EP300: variants seen among roughly 807,000 people sequenced by gnomAD.
EP300 encodes histone acetyltransferase p300.
Under a neutral mutation model 264.0 loss-of-function variants are expected in EP300, and 31 were observed. The ratio of observed to expected loss-of-function variants is 0.12; its 90% CI spans 0.09 to 0.16. The LOEUF (loss-of-function observed/expected upper bound fraction) is 0.16. Ranked by LOEUF, EP300 falls within the 10% of genes least tolerant of loss-of-function variation. The probability of loss-of-function intolerance (pLI) is 1.00; values close to 1 mark genes in which losing one functional copy is unlikely to be tolerated. For synonymous variants in EP300, 1,340 were observed against 1,045.4 expected (o/e 1.28, Z -5.44); for missense variants, 2,766 against 3,052.9 (o/e 0.91, Z 2.21).
intron 30 of EP300, 101 bp downstream of exon 30, chr22:41,176,629 C>G (rs143549087): frequency 1.2e-6 from 2 of 1,606,666 alleles, no homozygotes; most frequent in Non-Finnish European, 8.5e-7. Context: ...ATGCTAGGGG[C>G]TTGGCCTCGT....
intron 11 of EP300, 72 bp from the exon 12 acceptor site, chr22:41,147,765 C>A: frequency 1.9e-6 from 2 of 1,070,404 alleles, no homozygotes; most frequent in Non-Finnish European, 2.9e-6. Context: ...CAGAATCAGA[C>A]ATAAGAATTC....
At chr22:41,112,710 T>G (rs1010726360) in intron 1 of EP300, among the ~76,000 whole-genome samples, 5 of 149,120 alleles carry the variant, frequency 3.4e-5, no homozygotes, top group Admixed American at 6.7e-5. Flanking sequence ...TTTTATATTG[T>G]TTTTTTTTTT....
intron 21 of EP300, 31 bp downstream of exon 21, chr22:41,162,810 G>A (rs777725720): frequency 3.2e-6 from 5 of 1,587,050 alleles, no homozygotes; most frequent in Admixed American, 1.7e-5. Flanking sequence ...TAGTCAGTAC[G>A]CTTTGGCTTT....
At position 41,151,952 on chromosome 22, in the gene EP300, G is replaced by A; in HGVS notation, c.2937G>A (p.Glu979=). ...AGCCTTCCCAGGAAGTGAAGATGGA[G>A]GCCAAAATGGAAGTGGATCAACCAG... ...EKQPSQEVKM[E]AKMEVDQPEP... is the part of the protein sequence containing the mutation. Residue 979 remains glutamate (E), a synonymous_variant, in exon 15 of 31, where the codon GAG becomes GAA. Coordinates refer to ENST00000263253, the MANE Select transcript of EP300 (RefSeq NM_001429.4). 6.2e-7 allele frequency: 1 copy of A among 1,614,174 alleles called. No individual in the cohort carries two copies. The highest frequency in any genetic ancestry group is 8.5e-7 in the Non-Finnish European group (1 of 1,180,044).
At chr22:41,126,070 T>C in intron 3 of EP300, 30 bp downstream of exon 3, 1 of 1,608,654 alleles carries the variant, frequency 6.2e-7, no homozygotes, top group Non-Finnish European at 8.5e-7. Flanking sequence ...AGACTTGTTT[T>C]CAAACTGGCA....
At chr22:41,120,603 T>C (rs2058846892) in intron 2 of EP300, among the ~76,000 whole-genome samples, 1 of 152,210 alleles carries the variant, frequency 6.6e-6, no homozygotes, top group Non-Finnish European at 1.5e-5. Flanking sequence ...ACATTACTAC[T>C]ACAGCTGTCT....
At chr22:41,103,584 C>A (rs1182779977) in intron 1 of EP300, among the ~76,000 whole-genome samples, 5 of 152,146 alleles carry the variant, frequency 3.3e-5, no homozygotes, top group Admixed American at 2.6e-4. Flanking sequence ...TGGAAATTAA[C>A]ATACCTTAGA....
intron 25 of EP300, chr22:41,169,168 A>G: frequency 1.8e-6 from 1 of 551,780 alleles, no homozygotes. Context: ...TTAAGTAGCT[A>G]TGTGAAAATA....
intron 1 of EP300, among the ~76,000 whole-genome samples, chr22:41,116,704 C>A (rs750303694): frequency 6.6e-6 from 1 of 151,928 alleles, no homozygotes; most frequent in Non-Finnish European, 1.5e-5. Context: ...AACCAAATAT[C>A]CCCTCAATTT....
At position 41,178,607 on chromosome 22, in the gene EP300, T is replaced by A. The variant is rs1481010407; in HGVS notation, c.6896T>A (p.Ile2299Asn). The change falls in exon 31 of 31, where the codon ATC becomes AAC. Residue 2299 changes from isoleucine (I) to asparagine (N), a missense_variant. By Grantham distance (149) the Ile-to-Asn change is moderately radical (BLOSUM62 -3). Coordinates refer to ENST00000263253, the MANE Select transcript of EP300 (RefSeq NM_001429.4). ...AQSPHLQGQQIPNSLSNQVRS... is the reference protein window; with the variant it reads ...AQSPHLQGQQNPNSLSNQVRS... ...TCCCCACACCTACAAGGCCAGCAGA[T>A]CCCTAATTCTCTCTCCAATCAAGTG... The A allele has an allele frequency of 6.2e-7, 1 of 1,613,668 alleles. No homozygotes were observed. The highest frequency in any genetic ancestry group is 8.5e-7 in the Non-Finnish European group (1 of 1,179,960).
chr22:41,137,423 G>A (rs1001713099), intron 7 of EP300, among the ~76,000 whole-genome samples: 2 of 149,736 alleles, frequency 1.3e-5, no homozygotes, highest in African/African-American at 4.9e-5. Flanking sequence ...GATATCTTGT[G>A]TTAGGACATC....
intron 1 of EP300, 88 bp downstream of exon 1, chr22:41,093,186 C>G (rs530721531): frequency 4.6e-5 from 60 of 1,316,356 alleles, no homozygotes; most frequent in East Asian, 7.0e-5. Context: ...TTTTCTTCCT[C>G]TCTCTCTAGT....
At chr22:41,107,227 C>T (rs1163107058) in intron 1 of EP300, among the ~76,000 whole-genome samples, 3 of 151,990 alleles carry the variant, frequency 2.0e-5, no homozygotes, top group Admixed American at 2.0e-4. Flanking sequence ...ACAGAGAAAG[C>T]CAGCTAAAGG....
chr22:41,121,244 T>A (rs2058850647), intron 2 of EP300, among the ~76,000 whole-genome samples: 1 of 152,216 alleles, frequency 6.6e-6, no homozygotes, highest in Admixed American at 6.5e-5. Flanking sequence ...CCTCACCCTC[T>A]CCTTTTTAGT....
At chr22:41,130,713 A>T (rs1447538543) in intron 5 of EP300, among the ~76,000 whole-genome samples, 1 of 152,178 alleles carries the variant, frequency 6.6e-6, no homozygotes, top group Non-Finnish European at 1.5e-5. Flanking sequence ...ATTCTTTTAT[A>T]CTATACTTGT....
chr22:41,128,107 A>AG (rs2058893516), intron 4 of EP300, among the ~76,000 whole-genome samples: 3 of 152,224 alleles, frequency 2.0e-5, no homozygotes, highest in East Asian at 1.9e-4. Flanking sequence ...TCAAGGCTGC[A>AG]GGGGGCTATG....
chr22:41,131,030 T>C (rs2145715054), intron 5 of EP300, among the ~76,000 whole-genome samples: 1 of 152,318 alleles, frequency 6.6e-6, no homozygotes, highest in East Asian at 1.9e-4. Flanking sequence ...TAATTCACTA[T>C]TAAGAAGAGA....
chr22:41,117,868 A>G, intron 2 of EP300, 47 bp downstream of exon 2: 1 of 1,611,834 alleles, frequency 6.2e-7, no homozygotes, highest in Non-Finnish European at 8.5e-7. Flanking sequence ...GCATGTGAGT[A>G]TTGTCATGAT....
intron 3 of EP300, among the ~76,000 whole-genome samples, chr22:41,127,031 A>G (rs1004974047): frequency 7.2e-5 from 11 of 152,120 alleles, no homozygotes; most frequent in African/African-American, 2.7e-4. Context: ...GGCGTGAGCC[A>G]CCGCGCCCGG....
Sources: allele counts gnomAD v4.1 joint callset (sites outside exome capture counted in the v4.1 genomes callset), GRCh38; gene constraint gnomAD v4.1.1; transcripts MANE v1.5; gene names NCBI Gene and HGNC (gene_info 2026-07-23, HGNC 2026-07-21).